LRRC4C: variants seen among roughly 807,000 people sequenced by gnomAD.
LRRC4C encodes the protein leucine rich repeat containing 4C, also known as leucine-rich repeat-containing protein 4C.
Under a neutral mutation model 33.6 loss-of-function variants are expected in LRRC4C, and 5 were observed. That is an observed-to-expected ratio of 0.15 (90% CI 0.08 to 0.31). The LOEUF (loss-of-function observed/expected upper bound fraction) is 0.31, where lower values mean the gene tolerates loss of function less well. Ranked by LOEUF, LRRC4C falls within the 10% of genes least tolerant of loss-of-function variation. LRRC4C has a pLI of 1.00. For missense variants in LRRC4C, 560 were observed against 796.7 expected, an observed-to-expected ratio of 0.70 and a Z score of 3.58; for synonymous variants, 329 against 302.0, an observed-to-expected ratio of 1.09 and a Z score of -0.93.
chr11:40,839,320 C>T (rs978160954), intron 2 of LRRC4C, among the ~76,000 whole-genome samples: 3 of 152,076 alleles, frequency 2.0e-5, no homozygotes, highest in East Asian at 1.9e-4. Context: ...CTGCAACCTC[C>T]GCCTCAGCAA....
intron 1 of LRRC4C, among the ~76,000 whole-genome samples, chr11:41,189,959 C>T (rs1297227640): frequency 6.6e-6 from 1 of 152,170 alleles, no homozygotes; most frequent in Non-Finnish European, 1.5e-5. Context: ...GGGTTGCTCC[C>T]TGACAATTTG....
intron 1 of LRRC4C, among the ~76,000 whole-genome samples, chr11:41,445,703 C>A (rs1057360340): frequency 3.3e-5 from 5 of 152,030 alleles, no homozygotes; most frequent in East Asian, 1.9e-4. Flanking sequence ...AATACGTGAA[C>A]AATAATTACA....
At chr11:41,033,664 T>G (rs1856856052) in intron 1 of LRRC4C, among the ~76,000 whole-genome samples, 1 of 152,088 alleles carries the variant, frequency 6.6e-6, no homozygotes, top group South Asian at 2.1e-4. Flanking sequence ...AGAGTTGTTT[T>G]AAGACCCGGG....
intron 1 of LRRC4C, among the ~76,000 whole-genome samples, chr11:40,978,919 A>G (rs113566878): frequency 0.033 from 5,075 of 152,168 alleles, 110 homozygotes; most frequent in Middle Eastern, 0.065. Context: ...GGGGTGAGCC[A>G]TCATGCCTCA....
At chr11:40,915,163 A>G (rs1175169904) in intron 2 of LRRC4C, among the ~76,000 whole-genome samples, 2 of 152,142 alleles carry the variant, frequency 1.3e-5, no homozygotes, top group Non-Finnish European at 2.9e-5. Flanking sequence ...TCAAGCTACC[A>G]ATGACTTTCT....
intron 3 of LRRC4C, among the ~76,000 whole-genome samples, chr11:40,392,528 A>G (rs1047880227): frequency 6.6e-6 from 1 of 152,092 alleles, no homozygotes; most frequent in Non-Finnish European, 1.5e-5. Flanking sequence ...TAAGTTATTT[A>G]ATTAAAAAAT....
intron 1 of LRRC4C, among the ~76,000 whole-genome samples, chr11:41,127,735 C>G (rs1428120652): frequency 3.9e-5 from 1 of 25,886 alleles, no homozygotes; most frequent in African/African-American, 5.7e-5. Flanking sequence ...GTGCTCTATT[C>G]AACAAAACAT....
At chr11:40,724,546 T>G (rs1472169159) in intron 2 of LRRC4C, among the ~76,000 whole-genome samples, 1 of 151,142 alleles carries the variant, frequency 6.6e-6, no homozygotes, top group Admixed American at 6.6e-5. Context: ...ATAAAAAAAA[T>G]TATTGGCAAT....
At chr11:40,120,427 G>A (rs1288111597) in intron 6 of LRRC4C, among the ~76,000 whole-genome samples, 3 of 152,014 alleles carry the variant, frequency 2.0e-5, no homozygotes, top group African/African-American at 7.2e-5. Flanking sequence ...TAAATTTCCA[G>A]TAATCATGAC....
intron 1 of LRRC4C, among the ~76,000 whole-genome samples, chr11:40,954,338 G>A (rs557965069): frequency 1.1e-3 from 165 of 151,844 alleles, no homozygotes; most frequent in African/African-American, 3.8e-3. Flanking sequence ...TCACAAATTT[G>A]GGAAATTAGT....
chr11:41,237,927 CTT>C (rs1386605516), intron 1 of LRRC4C, among the ~76,000 whole-genome samples: 1 of 152,036 alleles, frequency 6.6e-6, no homozygotes, highest in Non-Finnish European at 1.5e-5. Context: ...CTTTTCAAGA[CTT>C]TTATATTCTT....
chr11:41,390,781 T>G (rs1953559060), intron 1 of LRRC4C, among the ~76,000 whole-genome samples: 1 of 151,840 alleles, frequency 6.6e-6, no homozygotes, highest in South Asian at 2.1e-4. Flanking sequence ...AATCTTTCTT[T>G]GATGTATGTG....
At chr11:40,999,954 A>C (rs1854257090) in intron 1 of LRRC4C, among the ~76,000 whole-genome samples, 1 of 152,156 alleles carries the variant, frequency 6.6e-6, no homozygotes, top group African/African-American at 2.4e-5. Flanking sequence ...TCCAGCATGA[A>C]AATAATGTTA....
chr11:41,259,090 G>A (rs975623451), intron 1 of LRRC4C, among the ~76,000 whole-genome samples: 3 of 151,946 alleles, frequency 2.0e-5, no homozygotes, highest in African/African-American at 7.2e-5. Flanking sequence ...CATATACTGA[G>A]CACAACTTTA....
At chr11:40,471,011 T>A (rs1952904698) in intron 3 of LRRC4C, among the ~76,000 whole-genome samples, 1 of 152,096 alleles carries the variant, frequency 6.6e-6, no homozygotes, top group East Asian at 1.9e-4. Flanking sequence ...CAGGCCAGCA[T>A]TCAAATTCAG....
intron 1 of LRRC4C, among the ~76,000 whole-genome samples, chr11:41,259,903 T>G (rs1349966947): frequency 1.3e-5 from 2 of 152,030 alleles, no homozygotes; most frequent in Non-Finnish European, 1.5e-5. Context: ...TAGACCTTTA[T>G]GAGTCCAATT....
At chr11:40,583,476 A>C (rs1958568119) in intron 3 of LRRC4C, among the ~76,000 whole-genome samples, 1 of 152,148 alleles carries the variant, frequency 6.6e-6, no homozygotes, top group Non-Finnish European at 1.5e-5. Flanking sequence ...CACAAATTAC[A>C]TGGGATGCCT....
At chr11:40,450,776 A>T (rs1227914489) in intron 3 of LRRC4C, among the ~76,000 whole-genome samples, 5 of 137,484 alleles carry the variant, frequency 3.6e-5, no homozygotes, top group African/African-American at 8.4e-5. Flanking sequence ...CCTGAAAATT[A>T]AAAAAAAAAA....
intron 4 of LRRC4C, among the ~76,000 whole-genome samples, chr11:40,278,854 C>T (rs186176138): frequency 6.6e-6 from 1 of 152,282 alleles, no homozygotes; most frequent in Admixed American, 6.5e-5. Flanking sequence ...TGAGTTCCAT[C>T]TGGGGGTGCA....
Sources: gnomAD v4.1 joint callset for allele counts (sites outside exome capture counted in the v4.1 genomes callset) on GRCh38, gnomAD v4.1.1 for gene constraint, MANE v1.5 for transcripts, NCBI Gene and HGNC (gene_info 2026-07-23, HGNC 2026-07-21) for gene names.